Variants in ACOXL observed in about 807,000 individuals in gnomAD.
ACOXL encodes the protein acyl-coenzyme A oxidase-like protein.
In ACOXL, 70 loss-of-function variants were observed where a neutral mutation model predicts 71.9. The ratio of observed to expected loss-of-function variants is 0.97; its 90% CI spans 0.80 to 1.19. ACOXL has a LOEUF of 1.19. Among genes scored for constraint, ACOXL ranks in the 50% most tolerant of loss-of-function variants. The probability of loss-of-function intolerance (pLI) is 0.00; values close to 1 mark genes in which losing one functional copy is unlikely to be tolerated. For synonymous variants in ACOXL, 253 were observed against 281.6 expected (o/e 0.90, Z 1.02); for missense variants, 703 against 736.3 (o/e 0.95, Z 0.52).
intron 16 of ACOXL, among the ~76,000 whole-genome samples, chr2:111,070,220 A>G (rs935413366): frequency 2.0e-5 from 3 of 152,232 alleles, no homozygotes; most frequent in African/African-American, 4.8e-5. Flanking sequence ...TTGCAGCGCT[A>G]TTCACAATAG....
chr2:110,882,659 G>A (rs192597892), intron 10 of ACOXL, among the ~76,000 whole-genome samples: 5 of 152,148 alleles, frequency 3.3e-5, no homozygotes, highest in African/African-American at 9.6e-5. Flanking sequence ...TGCATATAGT[G>A]TAAGGTATGG....
In ACOXL at chr2:111,005,182, C is replaced by T. The variant is rs2149639870; in HGVS notation, c.1281+9178C>T. 2.0e-5 allele frequency among the ~76,000 whole-genome samples: 3 copies of T among 152,304 alleles called. 1 individual carries two copies. In the South Asian group the frequency reaches 6.2e-4, roughly 32 times the overall value. Reference sequence around the variant, plus strand: ...CCCACCACATTGGTGGTGTCCCCCACTTCAGGGTGTATAAGACTCACCTGG... The same window carrying T: ...CCCACCACATTGGTGGTGTCCCCCATTTCAGGGTGTATAAGACTCACCTGG... On this transcript the variant is annotated intron_variant, in intron 14 of 17. Coordinates refer to ENST00000439055, the MANE Select transcript of ACOXL (RefSeq NM_001142807.4).
chr2:110,886,538 G>A (rs1697320274), intron 10 of ACOXL, among the ~76,000 whole-genome samples: 1 of 151,926 alleles, frequency 6.6e-6, no homozygotes, highest in East Asian at 1.9e-4. Context: ...CACCACGCTT[G>A]GCTAGTATTT....
At chr2:110,871,819 G>A (rs1695317875) in intron 10 of ACOXL, among the ~76,000 whole-genome samples, 1 of 152,106 alleles carries the variant, frequency 6.6e-6, no homozygotes, top group African/African-American at 2.4e-5. Flanking sequence ...TAGTGACCTG[G>A]GAGCAAGGGG....
chr2:110,928,497 C>A (rs1381030840), intron 11 of ACOXL, among the ~76,000 whole-genome samples: 2 of 152,202 alleles, frequency 1.3e-5, no homozygotes, highest in Non-Finnish European at 2.9e-5. Flanking sequence ...CATTACTCAT[C>A]CCTGCCATTT....
At chr2:111,082,927 C>T (rs2068003467) in intron 16 of ACOXL, among the ~76,000 whole-genome samples, 1 of 152,044 alleles carries the variant, frequency 6.6e-6, no homozygotes, top group Admixed American at 6.6e-5. Flanking sequence ...ACCAAACTAA[C>T]ACAAGAACAG....
rs1463720151 is a variant in ACOXL, at chr2:111,086,197, C to A, written c.1441-6668C>A. 2.6e-5 allele frequency among the ~76,000 whole-genome samples: 4 copies of A among 152,282 alleles called. No homozygotes were observed. The East Asian group carries it at 7.7e-4, about 29-fold the overall frequency. On this transcript the variant is annotated intron_variant, in intron 16 of 17. Coordinates refer to ENST00000439055, the MANE Select transcript of ACOXL (RefSeq NM_001142807.4). ...TTCAAAACATTGAGAAAGGACACCTCCCCAACTCATTCTATGAGGCTGGCA... is the reference window on the plus strand; with the variant it reads ...TTCAAAACATTGAGAAAGGACACCTACCCAACTCATTCTATGAGGCTGGCA...
intron 10 of ACOXL, among the ~76,000 whole-genome samples, chr2:110,862,528 G>T (rs550900900): frequency 2.6e-5 from 4 of 152,176 alleles, no homozygotes; most frequent in Non-Finnish European, 4.4e-5. Flanking sequence ...GGCCTCTTTG[G>T]TGCTGCTTGT....
chr2:110,770,716 T>G (rs1681796118), intron 2 of ACOXL, among the ~76,000 whole-genome samples: 1 of 152,210 alleles, frequency 6.6e-6, no homozygotes, highest in African/African-American at 2.4e-5. Flanking sequence ...CCAACCACTC[T>G]CTCTGTCAGA....
intron 10 of ACOXL, among the ~76,000 whole-genome samples, chr2:110,897,467 G>T (rs2059059037): frequency 6.6e-6 from 1 of 152,170 alleles, no homozygotes; most frequent in East Asian, 1.9e-4. Context: ...GAACAAGAAT[G>T]CTGAGTCCTC....
chr2:110,841,242 G>A (rs1279650858), intron 9 of ACOXL, 129 bp from the exon 10 acceptor site: 4 of 632,208 alleles, frequency 6.3e-6, no homozygotes, highest in Middle Eastern at 4.2e-4. Flanking sequence ...TGTTATTTTT[G>A]AAGCATTAGC....
intron 2 of ACOXL, among the ~76,000 whole-genome samples, chr2:110,780,019 A>C (rs1026734000): frequency 1.3e-5 from 2 of 152,248 alleles, no homozygotes; most frequent in Non-Finnish European, 2.9e-5. Flanking sequence ...TAAAAAGGCA[A>C]TGTACAAAGT....
At chr2:110,914,359 G>T (rs182426299) in intron 11 of ACOXL, among the ~76,000 whole-genome samples, 1 of 152,154 alleles carries the variant, frequency 6.6e-6, no homozygotes, top group African/African-American at 2.4e-5. Flanking sequence ...TGAAGATGAT[G>T]TATCTCTTTG....
intron 13 of ACOXL, among the ~76,000 whole-genome samples, chr2:110,992,704 C>T (rs988055341): frequency 6.6e-6 from 1 of 152,128 alleles, no homozygotes; most frequent in African/African-American, 2.4e-5. Context: ...GGGGGTTGTA[C>T]CTGGCTCTGC....
In ACOXL at chr2:110,801,724, AG is replaced by A. The variant is rs1686027312; in HGVS notation, c.620+1del. On this transcript the variant is annotated splice_donor_variant, in intron 8 of 17. Transcript: ENST00000439055. LOFTEE classifies it high-confidence loss of function. ...ATACCCAGGGAGAACCTGCTGGATA[AG>A]TGAGTAGTTTCTCCTTAACTCAGGT... is the stretch of plus-strand genomic sequence containing the variant. The A allele has an allele frequency of 6.2e-7, 1 of 1,613,646 alleles. No individual in the cohort carries two copies. The highest frequency in any genetic ancestry group is 1.3e-5 in the African/African-American group (1 of 74,892).
At chr2:110,785,370 TTGTGTG>T (rs34917698) in intron 3 of ACOXL, among the ~76,000 whole-genome samples, 10 of 145,586 alleles carry the variant, frequency 6.9e-5, no homozygotes, top group African/African-American at 2.0e-4. Context: ...ATGCACTCAG[TTGTGTG>T]TGTGTGTGTG....
intron 10 of ACOXL, among the ~76,000 whole-genome samples, chr2:110,899,387 G>T (rs541855892): frequency 2.3e-3 from 354 of 152,298 alleles, no homozygotes; most frequent in African/African-American, 8.3e-3. Flanking sequence ...ACACATGGTG[G>T]TCAGACTTGC....
intron 2 of ACOXL, among the ~76,000 whole-genome samples, chr2:110,779,305 G>T (rs1683045504): frequency 6.6e-6 from 1 of 152,184 alleles, no homozygotes; most frequent in Non-Finnish European, 1.5e-5. Context: ...CCAGCAAGAA[G>T]TAAGAAGGGC....
intron 10 of ACOXL, among the ~76,000 whole-genome samples, chr2:110,905,420 A>G (rs1304772303): frequency 6.6e-6 from 1 of 151,956 alleles, no homozygotes; most frequent in African/African-American, 2.4e-5. Flanking sequence ...GCTATAGCGG[A>G]CTCTTGAATG....
Sources: gnomAD v4.1 joint callset for allele counts (sites outside exome capture counted in the v4.1 genomes callset) on GRCh38, gnomAD v4.1.1 for gene constraint, MANE v1.5 for transcripts, NCBI Gene and HGNC (gene_info 2026-07-23, HGNC 2026-07-21) for gene names.